The following PIP5K1B variants were observed in gnomAD, a reference collection of about 807,000 sequenced individuals.
The protein encoded by PIP5K1B is phosphatidylinositol 4-phosphate 5-kinase type-1 beta.
A neutral mutation model predicts 67.0 loss-of-function variants in PIP5K1B; 42 were observed. The observed-to-expected ratio is 0.63, with a 90% CI of 0.49 to 0.81. PIP5K1B has a LOEUF of 0.81. PIP5K1B is among the 30% of genes least tolerant of loss of function. The pLI, the probability that PIP5K1B is intolerant of heterozygous loss-of-function variation, is 0.00. For missense variants in PIP5K1B, 459 were observed against 646.3 expected (o/e 0.71, Z 3.14); for synonymous variants, 214 against 231.4 (o/e 0.92, Z 0.68).
At chr9:68,804,081 G>A (rs1331458752) in intron 2 of PIP5K1B, among the ~76,000 whole-genome samples, 1 of 152,082 alleles carries the variant, frequency 6.6e-6, no homozygotes, top group Non-Finnish European at 1.5e-5. Context: ...GATGGAGAAT[G>A]GACAACAGTC....
Position 68,935,132 on chromosome 9 carries a change from C to T in PIP5K1B, c.1357+87C>T, listed in dbSNP as rs80187032. The T allele has an allele frequency of 1.5e-3, 1,632 of 1,081,496 alleles. 10 individuals are homozygous for T. The African/African-American group carries it at 0.022, about 15-fold the overall frequency. 67.0% of individuals were successfully genotyped at this position (1,081,496 alleles called of 1,614,324 possible). Reference sequence around the variant, plus strand: ...TTTGCAGAAGAAAAATTTAAAAATACCTGCTCTAAGAAATAAAATATATTA... The same window carrying T: ...TTTGCAGAAGAAAAATTTAAAAATATCTGCTCTAAGAAATAAAATATATTA... On this transcript the variant is annotated intron_variant, in intron 13 of 15. Coordinates refer to ENST00000265382, the MANE Select transcript of PIP5K1B (RefSeq NM_003558.4).
chr9:68,954,080 G>A (rs543299216), intron 14 of PIP5K1B, among the ~76,000 whole-genome samples: 58 of 151,920 alleles, frequency 3.8e-4, no homozygotes, highest in Non-Finnish European at 3.4e-4. Flanking sequence ...TGTGTTTTCC[G>A]CAGGGAGAAA....
chr9:68,708,098 A>G (rs1401398223), intron 1 of PIP5K1B: 2 of 152,184 alleles, frequency 1.3e-5, no homozygotes, highest in Admixed American at 6.5e-5. Context: ...CATCAAAGGA[A>G]TGAAACTTAA....
At chr9:68,750,172 T>C (rs1388252341) in intron 2 of PIP5K1B, among the ~76,000 whole-genome samples, 1 of 152,230 alleles carries the variant, frequency 6.6e-6, no homozygotes, top group Non-Finnish European at 1.5e-5. Flanking sequence ...TTCCATAGTT[T>C]CTGTTATAGA....
At chr9:68,895,184 T>A (rs1439320219) in intron 8 of PIP5K1B, among the ~76,000 whole-genome samples, 2 of 150,522 alleles carry the variant, frequency 1.3e-5, no homozygotes, top group East Asian at 3.9e-4. Flanking sequence ...AGCTTGCCAA[T>A]TAGGGCAGAC....
At chr9:68,987,625 C>G (rs1212853017) in intron 14 of PIP5K1B, among the ~76,000 whole-genome samples, 1 of 152,054 alleles carries the variant, frequency 6.6e-6, no homozygotes, top group Non-Finnish European at 1.5e-5. Flanking sequence ...TTGTATTAGT[C>G]CATTTTCACA....
chr9:68,910,258 A>G (rs182854517), intron 8 of PIP5K1B, among the ~76,000 whole-genome samples: 2 of 152,342 alleles, frequency 1.3e-5, no homozygotes, highest in Admixed American at 6.5e-5. Flanking sequence ...AAGAATCTCT[A>G]TAAATATCAG....
chr9:68,976,935 G>T (rs1287590398), intron 14 of PIP5K1B, among the ~76,000 whole-genome samples: 4 of 152,156 alleles, frequency 2.6e-5, no homozygotes, highest in African/African-American at 9.7e-5. Context: ...GATTCAAAAG[G>T]TCCCAATTCC....
At chr9:68,719,077 G>A (rs1380946794) in intron 1 of PIP5K1B, among the ~76,000 whole-genome samples, 4 of 152,116 alleles carry the variant, frequency 2.6e-5, no homozygotes, top group East Asian at 1.9e-4. Context: ...TTTCTTGTTC[G>A]CTTCATTCAT....
intron 7 of PIP5K1B, among the ~76,000 whole-genome samples, chr9:68,892,392 A>C (rs1824838341): frequency 6.6e-6 from 1 of 152,248 alleles, no homozygotes; most frequent in Non-Finnish European, 1.5e-5. Context: ...GCTGTAACTA[A>C]TGTTAAGGAT....
intron 14 of PIP5K1B, among the ~76,000 whole-genome samples, chr9:68,956,024 A>T (rs1828370989): frequency 6.6e-6 from 1 of 152,206 alleles, no homozygotes; most frequent in Non-Finnish European, 1.5e-5. Context: ...AAAATCAATT[A>T]TTGCCAAGGT....
chr9:68,928,963 G>C (rs974377741), intron 12 of PIP5K1B, among the ~76,000 whole-genome samples: 2 of 152,124 alleles, frequency 1.3e-5, no homozygotes, highest in South Asian at 2.1e-4. Context: ...AGGAGTTCGA[G>C]ACCAGCCTGA....
At chr9:69,001,893 G>T (rs2133028639) in intron 15 of PIP5K1B, among the ~76,000 whole-genome samples, 1 of 152,336 alleles carries the variant, frequency 6.6e-6, no homozygotes, top group South Asian at 2.1e-4. Context: ...ATGCTCTCAG[G>T]CTTCTCTTGG....
At chr9:68,757,637 C>G (rs1203264085) in intron 2 of PIP5K1B, among the ~76,000 whole-genome samples, 1 of 152,062 alleles carries the variant, frequency 6.6e-6, no homozygotes, top group Non-Finnish European at 1.5e-5. Flanking sequence ...TGTGTGGATA[C>G]TAAGCCCTTT....
chr9:68,928,517 G>T (rs994850838), intron 12 of PIP5K1B, among the ~76,000 whole-genome samples: 2 of 152,078 alleles, frequency 1.3e-5, no homozygotes, highest in Non-Finnish European at 2.9e-5. Flanking sequence ...ATAGATTGTT[G>T]TTTATGTTTT....
At position 68,748,854 on chromosome 9, in the gene PIP5K1B, C is replaced by T. The variant is rs533560053; in HGVS notation, c.-86+6197C>T. 2.0e-5 allele frequency among the ~76,000 whole-genome samples: 3 copies of T among 152,154 alleles called. No homozygotes were observed. The South Asian group carries it at 6.2e-4, about 32-fold the overall frequency. On this transcript the variant is annotated intron_variant, in intron 2 of 15. Transcript: ENST00000265382. ...CTCGAACTCCCGACCTCAGGTGATC[C>T]GCCCACCTCTGCCTCCCAAAGGGCT...
At chr9:68,763,450 T>TA (rs1830276861) in intron 2 of PIP5K1B, among the ~76,000 whole-genome samples, 1 of 152,150 alleles carries the variant, frequency 6.6e-6, no homozygotes, top group East Asian at 1.9e-4. Context: ...GCTTGATATA[T>TA]AAAAAAGCAC....
intron 2 of PIP5K1B, among the ~76,000 whole-genome samples, chr9:68,793,082 T>TATGTATGTGTATACACATATA (rs1554715625): frequency 6.9e-6 from 1 of 144,042 alleles, no homozygotes. Context: ...AGTGTGTATG[T>TATGTATGTGTATACACATATA]GTGTATGTGT....
chr9:68,948,593 T>C (rs1477594592), intron 14 of PIP5K1B, among the ~76,000 whole-genome samples: 6 of 151,438 alleles, frequency 4.0e-5, no homozygotes, highest in African/African-American at 1.5e-4. Flanking sequence ...TTCAGTGAGC[T>C]GTGATCATGC....
Sources: gnomAD v4.1 joint callset for allele counts (sites outside exome capture counted in the v4.1 genomes callset) on GRCh38, gnomAD v4.1.1 for gene constraint, MANE v1.5 for transcripts, NCBI Gene and HGNC (gene_info 2026-07-23, HGNC 2026-07-21) for gene names.